Variants in NUFIP1 observed in about 807,000 individuals in gnomAD.
The protein encoded by NUFIP1 is nuclear FMR1 interacting protein 1.
Under a neutral mutation model 56.2 loss-of-function variants are expected in NUFIP1, and 38 were observed. The observed-to-expected ratio is 0.68, with a 90% CI of 0.52 to 0.89. The LOEUF (loss-of-function observed/expected upper bound fraction) is 0.89. Among genes scored for constraint, NUFIP1 ranks in the 40% least tolerant of loss-of-function variants. The pLI, the probability that NUFIP1 is intolerant of heterozygous loss-of-function variation, is 0.00. For synonymous variants in NUFIP1, 215 were observed against 212.4 expected (o/e 1.01, Z -0.10); for missense variants, 567 against 605.8 (o/e 0.94, Z 0.67).
intron 1 of NUFIP1, among the ~76,000 whole-genome samples, chr13:44,988,426 C>G (rs1332176564): frequency 1.3e-5 from 2 of 151,968 alleles, no homozygotes; most frequent in East Asian, 3.9e-4. Context: ...TTCACTCCAG[C>G]CTGGGCGACA....
At chr13:44,972,899 T>C (rs1482021155) in intron 5 of NUFIP1, among the ~76,000 whole-genome samples, 2 of 152,332 alleles carry the variant, frequency 1.3e-5, no homozygotes, top group East Asian at 3.9e-4. Flanking sequence ...AGCAAAATCT[T>C]TGTCCTTTCA....
At chr13:44,943,745 C>T in intron 8 of NUFIP1, 71 bp from the exon 9 acceptor site, 1 of 1,107,078 alleles carries the variant, frequency 9.0e-7, no homozygotes, top group Non-Finnish European at 1.3e-6. Flanking sequence ...TCAAAAGCAA[C>T]CAACAAATCC....
chr13:44,951,430 T>C (rs1033271580), intron 7 of NUFIP1, among the ~76,000 whole-genome samples: 2 of 152,174 alleles, frequency 1.3e-5, no homozygotes, highest in African/African-American at 4.8e-5. Flanking sequence ...ATAAATCAGT[T>C]GGGTCAAATT....
chr13:44,988,131 A>G (rs565618730), intron 1 of NUFIP1, among the ~76,000 whole-genome samples: 2 of 152,216 alleles, frequency 1.3e-5, no homozygotes, highest in Non-Finnish European at 2.9e-5. Context: ...TTAAAACTGC[A>G]CTACCTGGCC....
intron 1 of NUFIP1, among the ~76,000 whole-genome samples, chr13:44,984,249 C>T (rs965194242): frequency 2.0e-5 from 3 of 152,166 alleles, no homozygotes; most frequent in African/African-American, 7.2e-5. Context: ...CTATTATATG[C>T]CTCTATCATC....
chr13:44,949,436 C>T (rs1300256185), intron 8 of NUFIP1, among the ~76,000 whole-genome samples: 1 of 151,710 alleles, frequency 6.6e-6, no homozygotes, highest in African/African-American at 2.4e-5. Context: ...CTCCTGACCT[C>T]GTGATCCGCC....
intron 8 of NUFIP1, among the ~76,000 whole-genome samples, chr13:44,945,541 C>A (rs1224342262): frequency 6.6e-6 from 1 of 151,958 alleles, no homozygotes; most frequent in Non-Finnish European, 1.5e-5. Flanking sequence ...AGACTAATAT[C>A]CCTCATGAAC....
At chr13:44,942,985 A>G (rs1870794424) in intron 9 of NUFIP1, among the ~76,000 whole-genome samples, 1 of 151,634 alleles carries the variant, frequency 6.6e-6, no homozygotes, top group South Asian at 2.1e-4. Context: ...AAAAAAAAAA[A>G]AATAGGTGGA....
chr13:44,957,763 GAAC>G (rs1324517876), intron 7 of NUFIP1, among the ~76,000 whole-genome samples: 2 of 151,786 alleles, frequency 1.3e-5, no homozygotes, highest in Non-Finnish European at 2.9e-5. Flanking sequence ...ACAAAATGAA[GAAC>G]AACAAAGACT....
At chr13:44,981,381 C>T (rs1220534946) in intron 2 of NUFIP1, among the ~76,000 whole-genome samples, 1 of 151,970 alleles carries the variant, frequency 6.6e-6, no homozygotes, top group African/African-American at 2.4e-5. Flanking sequence ...GACACCATTT[C>T]ATTTCTATAC....
At chr13:44,976,098 A>T (rs1477594030) in intron 5 of NUFIP1, among the ~76,000 whole-genome samples, 1 of 151,864 alleles carries the variant, frequency 6.6e-6, no homozygotes, top group East Asian at 1.9e-4. Flanking sequence ...CCAACCTCTA[A>T]CTGATCAAAG....
chr13:44,959,809 C>G (rs1012096567), intron 6 of NUFIP1, among the ~76,000 whole-genome samples: 2 of 152,146 alleles, frequency 1.3e-5, no homozygotes, highest in Non-Finnish European at 2.9e-5. Flanking sequence ...TGATTCTACG[C>G]TGCAAATTTC....
chr13:44,958,174 G>A (rs1021085717), intron 7 of NUFIP1, among the ~76,000 whole-genome samples: 1 of 152,076 alleles, frequency 6.6e-6, no homozygotes, highest in African/African-American at 2.4e-5. Flanking sequence ...TAGTGTACTG[G>A]TGGAGTGAGA....
At chr13:44,963,349 T>C (rs745853504) in intron 6 of NUFIP1, among the ~76,000 whole-genome samples, 16 of 152,230 alleles carry the variant, frequency 1.1e-4, no homozygotes, top group Non-Finnish European at 2.4e-4. Flanking sequence ...TGCTACTTTA[T>C]AGAAATAGAG....
chr13:44,957,868 GATT>G (rs138066346), intron 7 of NUFIP1, among the ~76,000 whole-genome samples: 3,896 of 152,196 alleles, frequency 0.026, 80 homozygotes, highest in Non-Finnish European at 0.04. Context: ...GTAACTTACT[GATT>G]ATAATGGTAG....
In NUFIP1 at chr13:44,949,490, C is replaced by T. The variant is rs564715707; in HGVS notation, c.1138+232G>A. ...TGCTGGGATTACAGGCGTGAGCCAC[C>T]GCGCCCGGCCTATATTGTATTTTTT... On this transcript the variant is annotated intron_variant, in intron 8 of 9. Transcript: ENST00000379161. Among the ~76,000 whole-genome samples the T allele has an allele frequency of 1.8e-4, 27 of 152,214 alleles. No individual in the cohort carries two copies. In the East Asian group the frequency reaches 4.1e-3, roughly 23 times the overall value.
chr13:44,965,759 G>T (rs1871575875), intron 6 of NUFIP1, 85 bp downstream of exon 6: 3 of 549,254 alleles, frequency 5.5e-6, no homozygotes, highest in Non-Finnish European at 9.1e-6. Context: ...AGTTACAAAA[G>T]CAAAGATTTC....
chr13:44,980,206 T>C (rs535852211), intron 3 of NUFIP1, among the ~76,000 whole-genome samples: 9 of 152,358 alleles, frequency 5.9e-5, no homozygotes, highest in South Asian at 4.1e-4. Flanking sequence ...TCAATAAACC[T>C]GTGAAATGCT....
chr13:44,959,645 C>G, intron 6 of NUFIP1, 71 bp from the exon 7 acceptor site: 1 of 1,306,064 alleles, frequency 7.7e-7, no homozygotes, highest in South Asian at 1.4e-5. Context: ...AAAAAGACTA[C>G]TAGATACAAA....
Sources: gnomAD v4.1 joint callset for allele counts (sites outside exome capture counted in the v4.1 genomes callset) on GRCh38, gnomAD v4.1.1 for gene constraint, MANE v1.5 for transcripts, NCBI Gene and HGNC (gene_info 2026-07-23, HGNC 2026-07-21) for gene names.